RARB: variants seen among roughly 807,000 people sequenced by gnomAD.
RARB encodes retinoic acid receptor beta.
In RARB, 17 loss-of-function variants were observed where a neutral mutation model predicts 51.9. The ratio of observed to expected loss-of-function variants is 0.33; its 90% CI spans 0.22 to 0.49. The LOEUF (loss-of-function observed/expected upper bound fraction) is 0.49. Ranked by LOEUF, RARB falls within the 20% of genes least tolerant of loss-of-function variation. The pLI is 0.99. For missense variants in RARB, 369 were observed against 550.8 expected (o/e 0.67, Z 3.30); for synonymous variants, 215 against 195.4 (o/e 1.10, Z -0.84).
chr3:24,892,112 C>T (rs369184609), intron 2 of RARB, among the ~76,000 whole-genome samples: 1 of 151,582 alleles, frequency 6.6e-6, no homozygotes, highest in Non-Finnish European at 1.5e-5. Flanking sequence ...GGGAGTGTTG[C>T]AGGGCCAAAA....
intron 5 of RARB, among the ~76,000 whole-genome samples, chr3:25,367,817 C>CAAAAAAAAAAAAAAAA (rs369165017): frequency 4.8e-5 from 6 of 125,574 alleles, no homozygotes; most frequent in Non-Finnish European, 8.2e-5. Context: ...AAAAAACAAG[C>CAAAAAAAAAAAAAAAA]AAAAAAAAAA....
chr3:25,290,231 T>G (rs1232383415), intron 5 of RARB, among the ~76,000 whole-genome samples: 2 of 152,192 alleles, frequency 1.3e-5, no homozygotes, highest in African/African-American at 2.4e-5. Context: ...ATATGGTCTT[T>G]AAAGAAGCAA....
rs376170107 is a variant in RARB at position 25,420,990 on chromosome 3, C to CAAAAA, written c.179-40203_179-40202insAAAAA. On this transcript the variant is annotated intron_variant, in intron 5 of 11. Transcript: ENST00000383772. ...GTGCTGAGGCTCAACACCACTTATGCCAAAAAAAAAAAAAAAAAACAGAGT... is the reference window on the plus strand; with the variant it reads ...GTGCTGAGGCTCAACACCACTTATGCAAAAACAAAAAAAAAAAAAAAAAACAGAGT... Among the ~76,000 whole-genome samples the CAAAAA allele has an allele frequency of 1.3e-3, 83 of 62,432 alleles. 5 individuals carry two copies. The highest frequency in any genetic ancestry group is 0.012 in the East Asian group (17 of 1,424). The allele number at this position is 62,432 out of a possible 152,430, so 41.0% of individuals were successfully genotyped here.
At chr3:25,553,389 CCTCTTCAT>C (rs1210355436) in intron 3 of RARB, among the ~76,000 whole-genome samples, 1 of 152,182 alleles carries the variant, frequency 6.6e-6, no homozygotes, top group Non-Finnish European at 1.5e-5. Flanking sequence ...TTAAGCCCAT[CCTCTTCAT>C]CTCTGTGTGA....
At chr3:24,852,577 T>C (rs1161480481) in intron 1 of RARB, among the ~76,000 whole-genome samples, 1 of 152,222 alleles carries the variant, frequency 6.6e-6, no homozygotes, top group Non-Finnish European at 1.5e-5. Flanking sequence ...GGTAGCATTA[T>C]TCATAATAGC....
intron 2 of RARB, among the ~76,000 whole-genome samples, chr3:25,494,275 A>ACG (rs754971650): frequency 4.9e-5 from 5 of 102,304 alleles, no homozygotes; most frequent in Admixed American, 9.0e-5. Context: ...ACACACACAC[A>ACG]CACATGCCAT....
chr3:25,474,577 A>G (rs1199526761), intron 2 of RARB, among the ~76,000 whole-genome samples: 1 of 152,126 alleles, frequency 6.6e-6, no homozygotes, highest in Non-Finnish European at 1.5e-5. Context: ...GTTTGATGAC[A>G]TTTATTCTGT....
At chr3:24,966,605 CA>C (rs1696278051) in intron 2 of RARB, among the ~76,000 whole-genome samples, 1 of 106,052 alleles carries the variant, frequency 9.4e-6, no homozygotes, top group African/African-American at 4.1e-5. Context: ...GGTTTACATT[CA>C]TCTCTCTCTC....
chr3:25,584,905 C>T (rs1432302684), intron 5 of RARB, among the ~76,000 whole-genome samples: 14 of 152,268 alleles, frequency 9.2e-5, no homozygotes. Flanking sequence ...CCAACCCCGC[C>T]TGGCCTGCCC....
chr3:25,109,793 A>G (rs914511985), intron 3 of RARB, among the ~76,000 whole-genome samples: 1 of 152,144 alleles, frequency 6.6e-6, no homozygotes. Context: ...CAAAAGCAGC[A>G]GTTGATTCCA....
chr3:25,064,226 AG>A (rs1698612686), intron 3 of RARB, among the ~76,000 whole-genome samples: 1 of 152,166 alleles, frequency 6.6e-6, no homozygotes, highest in African/African-American at 2.4e-5. Context: ...TCAACAAAAT[AG>A]TAATATAATG....
chr3:24,846,955 C>A (rs1702492611), intron 1 of RARB, among the ~76,000 whole-genome samples: 2 of 151,762 alleles, frequency 1.3e-5, no homozygotes, highest in Non-Finnish European at 1.5e-5. Flanking sequence ...ACACAGGATG[C>A]AGATTCAGCA....
chr3:25,398,796 C>T (rs913654563), intron 5 of RARB, among the ~76,000 whole-genome samples: 1 of 152,102 alleles, frequency 6.6e-6, no homozygotes, highest in Non-Finnish European at 1.5e-5. Context: ...TGTATAAATA[C>T]ATGCATGTGT....
At chr3:25,152,570 C>T (rs1191505185) in intron 4 of RARB, among the ~76,000 whole-genome samples, 1 of 152,086 alleles carries the variant, frequency 6.6e-6, no homozygotes, top group African/African-American at 2.4e-5. Flanking sequence ...TTCCATGAAA[C>T]ATACATATAT....
At chr3:25,497,267 G>T (rs1203780466) in intron 2 of RARB, among the ~76,000 whole-genome samples, 1 of 133,040 alleles carries the variant, frequency 7.5e-6, no homozygotes, top group Non-Finnish European at 1.6e-5. Flanking sequence ...ACAGATACCT[G>T]CCTGAGGCCC....
chr3:25,567,404 G>A (rs1380363110), intron 3 of RARB, among the ~76,000 whole-genome samples: 1 of 152,186 alleles, frequency 6.6e-6, no homozygotes, highest in Non-Finnish European at 1.5e-5. Context: ...ATCACACAAT[G>A]TGTGGCCTTT....
At chr3:25,128,226 A>G (rs1348520393) in intron 3 of RARB, among the ~76,000 whole-genome samples, 2 of 152,078 alleles carry the variant, frequency 1.3e-5, no homozygotes, top group Non-Finnish European at 2.9e-5. Context: ...GCATTTTGGA[A>G]TCTCCTAAGT....
intron 2 of RARB, among the ~76,000 whole-genome samples, chr3:24,986,599 C>T (rs2125430885): frequency 6.6e-6 from 1 of 152,304 alleles, no homozygotes; most frequent in East Asian, 1.9e-4. Flanking sequence ...TCTCTGGATT[C>T]TGCTTCCATA....
intron 2 of RARB, among the ~76,000 whole-genome samples, chr3:25,051,040 G>A (rs1213433521): frequency 1.3e-5 from 2 of 152,046 alleles, no homozygotes; most frequent in African/African-American, 4.8e-5. Context: ...TGGATTTATG[G>A]CTTCTGGGAG....
Sources: gnomAD v4.1 joint callset for allele counts (sites outside exome capture counted in the v4.1 genomes callset) on GRCh38, gnomAD v4.1.1 for gene constraint, MANE v1.5 for transcripts, NCBI Gene and HGNC (gene_info 2026-07-23, HGNC 2026-07-21) for gene names.